NR5A2: variants seen among roughly 807,000 people sequenced by gnomAD.
The protein encoded by NR5A2 is nuclear receptor subfamily 5 group A member 2.
A neutral mutation model predicts 62.7 loss-of-function variants in NR5A2; 26 were observed. The observed-to-expected ratio is 0.41, with a 90% CI of 0.30 to 0.58. NR5A2 has a LOEUF of 0.58. Ranked by LOEUF, NR5A2 falls within the 20% of genes least tolerant of loss-of-function variation. NR5A2 has a pLI of 0.22. For synonymous variants in NR5A2, 246 were observed against 241.7 expected (o/e 1.02, Z -0.16); for missense variants, 541 against 669.1 (o/e 0.81, Z 2.11).
intron 3 of NR5A2, 156 bp downstream of exon 3, chr1:200,044,048 G>A (rs1427403286): frequency 1.9e-6 from 1 of 513,448 alleles, no homozygotes; most frequent in African/African-American, 1.9e-5. Flanking sequence ...TCTTAGAAGT[G>A]TGTGTCTGAT....
At chr1:200,041,168 G>T (rs1368898623) in intron 2 of NR5A2, among the ~76,000 whole-genome samples, 1 of 152,182 alleles carries the variant, frequency 6.6e-6, no homozygotes, top group Non-Finnish European at 1.5e-5. Flanking sequence ...CACGATTCTT[G>T]GCTCCAAAAG....
intron 6 of NR5A2, among the ~76,000 whole-genome samples, chr1:200,112,774 A>G (rs16846017): frequency 0.01 from 1,523 of 152,254 alleles, 27 homozygotes; most frequent in African/African-American, 0.035. Context: ...AAGTCTTTGG[A>G]GAAAATGTAC....
At chr1:200,118,539 C>G (rs1036722030) in intron 6 of NR5A2, among the ~76,000 whole-genome samples, 3 of 152,120 alleles carry the variant, frequency 2.0e-5, no homozygotes, top group Admixed American at 2.0e-4. Flanking sequence ...CAAGGCTCTT[C>G]GTTTGTAAGA....
chr1:200,047,273 CTTAAA>C (rs1238036329), intron 4 of NR5A2, among the ~76,000 whole-genome samples: 2 of 152,174 alleles, frequency 1.3e-5, no homozygotes, highest in Non-Finnish European at 2.9e-5. Context: ...TCCAATTCTA[CTTAAA>C]TTAAAAGCAG....
chr1:200,111,828 TAGAG>T (rs146341980), intron 6 of NR5A2, among the ~76,000 whole-genome samples: 3,435 of 152,220 alleles, frequency 0.023, 117 homozygotes, highest in African/African-American at 0.077. Flanking sequence ...AAATGAAAGA[TAGAG>T]AGAATAAAAT....
intron 5 of NR5A2, among the ~76,000 whole-genome samples, chr1:200,069,386 G>C (rs1456927488): frequency 6.6e-6 from 1 of 151,810 alleles, no homozygotes; most frequent in East Asian, 1.9e-4. Flanking sequence ...TCAGCCTCCT[G>C]AGTAACACGG....
At chr1:200,050,894 AAAAT>A (rs760197431) in intron 5 of NR5A2, among the ~76,000 whole-genome samples, 185 of 152,334 alleles carry the variant, frequency 1.2e-3, no homozygotes, top group Non-Finnish European at 2.1e-3. Flanking sequence ...CTCCATCTCA[AAAAT>A]AAATAAATAA....
intron 7 of NR5A2, among the ~76,000 whole-genome samples, chr1:200,135,378 G>T (rs376389857): frequency 2.6e-5 from 4 of 152,072 alleles, no homozygotes; most frequent in African/African-American, 9.7e-5. Flanking sequence ...AAAATTAGCC[G>T]GGTGTGGTGG....
chr1:200,045,795 G>A (rs1662332405), intron 4 of NR5A2, among the ~76,000 whole-genome samples: 1 of 152,050 alleles, frequency 6.6e-6, no homozygotes, highest in East Asian at 1.9e-4. Flanking sequence ...TAAAATATTA[G>A]TTGTCTTTCC....
intron 7 of NR5A2, among the ~76,000 whole-genome samples, chr1:200,140,040 G>T (rs141417426): frequency 6.6e-6 from 1 of 152,114 alleles, no homozygotes; most frequent in Non-Finnish European, 1.5e-5. Flanking sequence ...TGGATTATAA[G>T]ATGATTTCAC....
intron 5 of NR5A2, among the ~76,000 whole-genome samples, chr1:200,060,958 A>T (rs909354367): frequency 2.0e-5 from 3 of 149,998 alleles, no homozygotes; most frequent in Non-Finnish European, 4.4e-5. Context: ...AAAAAAAAAA[A>T]AAAATACAAA....
At chr1:200,173,818 G>T in intron 7 of NR5A2, 145 bp from the exon 8 acceptor site, 1 of 805,534 alleles carries the variant, frequency 1.2e-6, no homozygotes, top group Non-Finnish European at 1.8e-6. Flanking sequence ...AGTTTGGTGA[G>T]TGGGGTTTAC....
intron 5 of NR5A2, among the ~76,000 whole-genome samples, chr1:200,073,260 ATTCCCC>A (rs1227707111): frequency 1.0e-4 from 9 of 90,300 alleles, no homozygotes; most frequent in African/African-American, 4.8e-4. Context: ...ATATATATAT[ATTCCCC>A]TTTATATATA....
At chr1:200,123,115 G>T (rs114949173) in intron 7 of NR5A2, among the ~76,000 whole-genome samples, 2,361 of 152,170 alleles carry the variant, frequency 0.016, 72 homozygotes, top group African/African-American at 0.054. Context: ...CCTGAGCCTC[G>T]AGTCCCCTGA....
intron 4 of NR5A2, among the ~76,000 whole-genome samples, chr1:200,046,278 C>G (rs1026804227): frequency 5.9e-5 from 9 of 152,284 alleles, no homozygotes; most frequent in African/African-American, 2.2e-4. Flanking sequence ...AGAGCAGACC[C>G]TATACTACAA....
At position 200,137,276 on chromosome 1, in the gene NR5A2, G is replaced by A. The variant is rs564847740; in HGVS notation, c.1378+16321G>A. Among the ~76,000 whole-genome samples, 24 of 150,872 alleles carry A rather than the reference G, an allele frequency of 1.6e-4. No individual in the cohort carries two copies. In the East Asian group the frequency reaches 2.3e-3, roughly 15 times the overall value. ...AGCAGTTCTCCTGCCTCAGCCTCCC[G>A]AATAGCTGATATTACAGGTGCACAC... On this transcript the variant is annotated intron_variant, in intron 7 of 7. Coordinates refer to ENST00000367362, the MANE Select transcript of NR5A2 (RefSeq NM_205860.3).
At chr1:200,054,977 G>C (rs1017384959) in intron 5 of NR5A2, among the ~76,000 whole-genome samples, 1 of 148,898 alleles carries the variant, frequency 6.7e-6, no homozygotes, top group Admixed American at 6.7e-5. Flanking sequence ...GCTCACTGCA[G>C]CCTTGACCTT....
chr1:200,155,755 C>A (rs1653352400), intron 7 of NR5A2, among the ~76,000 whole-genome samples: 1 of 151,826 alleles, frequency 6.6e-6, no homozygotes, highest in African/African-American at 2.4e-5. Context: ...CTCACTGCAA[C>A]CTCCACCTTT....
intron 1 of NR5A2, chr1:200,038,914 T>A (rs1661912020): frequency 4.7e-6 from 2 of 429,552 alleles, no homozygotes; most frequent in Non-Finnish European, 7.7e-6. Context: ...GTGTCCGACC[T>A]GAGTCCGGAA....
Sources: gnomAD v4.1 joint callset for allele counts (sites outside exome capture counted in the v4.1 genomes callset) on GRCh38, gnomAD v4.1.1 for gene constraint, MANE v1.5 for transcripts, NCBI Gene and HGNC (gene_info 2026-07-23, HGNC 2026-07-21) for gene names.